PLXNA2: variants seen among roughly 807,000 people sequenced by gnomAD.
PLXNA2 encodes the protein plexin-A2.
PLXNA2 carries 91 observed loss-of-function variants against 193.5 expected under a neutral mutation model. That is an observed-to-expected ratio of 0.47 (90% CI 0.40 to 0.56). PLXNA2 has a LOEUF of 0.56. PLXNA2 is among the 20% of genes least tolerant of loss of function. The pLI is 0.00. For synonymous variants in PLXNA2, 997 were observed against 1,027.3 expected (o/e 0.97, Z 0.56); for missense variants, 1,995 against 2,503.2 (o/e 0.80, Z 4.33).
chr1:208,046,844 A>G (rs953523912), intron 17 of PLXNA2, among the ~76,000 whole-genome samples: 5 of 117,252 alleles, frequency 4.3e-5, no homozygotes, highest in Non-Finnish European at 1.0e-4. Context: ...GTGTGTGTGT[A>G]GAGTGTGGAG....
intron 4 of PLXNA2, among the ~76,000 whole-genome samples, chr1:208,118,661 C>T (rs1333671409): frequency 1.3e-5 from 2 of 152,022 alleles, no homozygotes; most frequent in East Asian, 1.9e-4. Flanking sequence ...TGAATGGCTG[C>T]CTCAAATGTA....
At chr1:208,051,838 T>C (rs573500509) in intron 15 of PLXNA2, among the ~76,000 whole-genome samples, 53 of 152,340 alleles carry the variant, frequency 3.5e-4, no homozygotes, top group African/African-American at 1.2e-3. Context: ...ATCAGGTAGA[T>C]AATCCTGGGC....
intron 10 of PLXNA2, among the ~76,000 whole-genome samples, chr1:208,084,113 A>T (rs573057334): frequency 2.1e-4 from 32 of 152,392 alleles, no homozygotes; most frequent in African/African-American, 7.2e-4. Flanking sequence ...AAAAAAATTT[A>T]AAATTTAAAA....
chr1:208,154,059 G>A (rs1023763600), intron 3 of PLXNA2, among the ~76,000 whole-genome samples: 5 of 152,020 alleles, frequency 3.3e-5, no homozygotes, highest in African/African-American at 4.8e-5. Context: ...GGATTGTCTC[G>A]ATCTGCTTGT....
At chr1:208,049,520 G>A (rs568752862) in intron 17 of PLXNA2, among the ~76,000 whole-genome samples, 3 of 152,092 alleles carry the variant, frequency 2.0e-5, no homozygotes, top group Non-Finnish European at 4.4e-5. Context: ...AGTGACCATG[G>A]TGGATACTGA....
intron 4 of PLXNA2, among the ~76,000 whole-genome samples, chr1:208,113,863 GC>G (rs1313199618): frequency 1.3e-5 from 2 of 152,118 alleles, no homozygotes; most frequent in African/African-American, 4.8e-5. Flanking sequence ...GCCCCAAATG[GC>G]CTTTTTTAAT....
chr1:208,071,422 G>A (rs986491055), intron 12 of PLXNA2, among the ~76,000 whole-genome samples: 26 of 152,182 alleles, frequency 1.7e-4, no homozygotes, highest in Non-Finnish European at 1.0e-4. Flanking sequence ...CAACTTCGTG[G>A]CTGCACATTT....
Position 208,027,114 on chromosome 1 carries a change from T to A in PLXNA2, c.*129A>T. ...GCGTAGGGAGAGGAGTCCTCCCCTC[T>A]CCCCAGGATGGGGTCTCAGGGGACA... On this transcript the variant is annotated 3_prime_UTR_variant, in exon 32 of 32. Coordinates refer to ENST00000367033, the MANE Select transcript of PLXNA2 (RefSeq NM_025179.4). 3.6e-6 allele frequency: 3 copies of A among 832,506 alleles called. No individual in the cohort carries two copies. The highest frequency in any genetic ancestry group is 4.1e-5 in the Admixed American group (2 of 48,526). The allele number at this position is 832,506 out of a possible 1,614,324, so 51.6% of individuals were successfully genotyped here.
chr1:208,153,755 C>G (rs1369539291), intron 3 of PLXNA2, among the ~76,000 whole-genome samples: 1 of 152,212 alleles, frequency 6.6e-6, no homozygotes, highest in African/African-American at 2.4e-5. Flanking sequence ...AGCCAGAAAG[C>G]CTCCATCCCT....
At chr1:208,139,492 T>A (rs1481148307) in intron 4 of PLXNA2, among the ~76,000 whole-genome samples, 1 of 152,168 alleles carries the variant, frequency 6.6e-6, no homozygotes, top group Admixed American at 6.5e-5. Flanking sequence ...CCCCCTTTAT[T>A]GTCTCAGCTG....
At chr1:208,057,645 T>C (rs1665473909) in intron 13 of PLXNA2, among the ~76,000 whole-genome samples, 1 of 152,190 alleles carries the variant, frequency 6.6e-6, no homozygotes, top group Non-Finnish European at 1.5e-5. Flanking sequence ...CTTCCCTGTC[T>C]CCTCCCTGTG....
intron 4 of PLXNA2, among the ~76,000 whole-genome samples, chr1:208,105,276 G>C (rs762501796): frequency 3.3e-5 from 5 of 152,224 alleles, no homozygotes; most frequent in Non-Finnish European, 7.3e-5. Context: ...GAGCAGTATG[G>C]CTGCAGTGGG....
intron 4 of PLXNA2, among the ~76,000 whole-genome samples, chr1:208,115,806 A>G (rs571433103): frequency 5.4e-4 from 82 of 152,332 alleles, no homozygotes; most frequent in Middle Eastern, 3.4e-3. Context: ...TATAGGAGCA[A>G]AAGGGAAGTA....
At chr1:208,197,590 C>T (rs1287431392) in intron 3 of PLXNA2, among the ~76,000 whole-genome samples, 1 of 152,216 alleles carries the variant, frequency 6.6e-6, no homozygotes, top group Non-Finnish European at 1.5e-5. Context: ...CCCAATCATC[C>T]ACCTAGAAAT....
At chr1:208,081,541 T>C (rs1666343609) in intron 11 of PLXNA2, among the ~76,000 whole-genome samples, 1 of 152,234 alleles carries the variant, frequency 6.6e-6, no homozygotes, top group Admixed American at 6.5e-5. Flanking sequence ...CTCACAGTGA[T>C]GTGGCTCAGT....
rs1184255952 is a variant in PLXNA2 at position 208,236,480 on chromosome 1, G to T, written c.-81+7163C>A. Among the ~76,000 whole-genome samples, 2 of 152,118 alleles carry T rather than the reference G, an allele frequency of 1.3e-5. No individual in the cohort carries two copies. The highest frequency in any genetic ancestry group is 2.9e-5 in the Non-Finnish European group (2 of 68,008). On this transcript the variant is annotated intron_variant, in intron 1 of 31. Coordinates refer to ENST00000367033, the MANE Select transcript of PLXNA2 (RefSeq NM_025179.4). This position sits in a 1 kb window ranked among gnomAD's most constrained non-coding sequence, Gnocchi z 4.4. Reference sequence around the variant, plus strand: ...GGCTTTTCTACACACCCCTTCCTCTGCTCCTGAACCTTCCACCCTCTCTCC... The same window carrying T: ...GGCTTTTCTACACACCCCTTCCTCTTCTCCTGAACCTTCCACCCTCTCTCC...
At chr1:208,182,303 C>T (rs1438887642) in intron 3 of PLXNA2, among the ~76,000 whole-genome samples, 1 of 152,082 alleles carries the variant, frequency 6.6e-6, no homozygotes, top group Non-Finnish European at 1.5e-5. Flanking sequence ...CATGGTGGTG[C>T]CTGCCTATAA....
chr1:208,143,444 G>GAAAAAAA (rs1668514378), intron 3 of PLXNA2, among the ~76,000 whole-genome samples: 1 of 152,216 alleles, frequency 6.6e-6, no homozygotes. Flanking sequence ...ATAAGGGTTT[G>GAAAAAAA]AAAAGTACTA....
intron 4 of PLXNA2, among the ~76,000 whole-genome samples, chr1:208,123,366 C>A (rs924964626): frequency 6.6e-6 from 1 of 152,184 alleles, no homozygotes; most frequent in African/African-American, 2.4e-5. Context: ...TCCCACTGAT[C>A]CAGTTTAGTC....
Sources: allele counts gnomAD v4.1 joint callset (sites outside exome capture counted in the v4.1 genomes callset), GRCh38; gene constraint gnomAD v4.1.1; non-coding constraint Gnocchi (gnomAD v3.1); transcripts MANE v1.5; gene names NCBI Gene and HGNC (gene_info 2026-07-23, HGNC 2026-07-21).